PBXIP1: variants seen among roughly 807,000 people sequenced by gnomAD.
PBXIP1 encodes the protein PBX homeobox interacting protein 1.
In PBXIP1, 73 loss-of-function variants were observed where a neutral mutation model predicts 73.7. That is an observed-to-expected ratio of 0.99 (90% CI 0.82 to 1.20). PBXIP1 has a LOEUF of 1.20. Ranked by LOEUF, PBXIP1 falls within the 50% of genes most tolerant of loss-of-function variation. The pLI is 0.00. For synonymous variants in PBXIP1, 330 were observed against 366.9 expected (o/e 0.90, Z 1.15); for missense variants, 818 against 911.4 (o/e 0.90, Z 1.32).
chr1:154,952,373 C>T (rs1295481776), intron 2 of PBXIP1, among the ~76,000 whole-genome samples: 1 of 152,162 alleles, frequency 6.6e-6, no homozygotes, highest in Non-Finnish European at 1.5e-5. Flanking sequence ...TCTCTCAAGC[C>T]TTTCTGGCCT....
In PBXIP1 at chr1:154,951,865, T is replaced by C; in HGVS notation, c.108A>G (p.Arg36=). 1.2e-6 allele frequency: 2 copies of C among 1,613,216 alleles called. No individual in the cohort carries two copies. Among genetic ancestry groups the C allele is most frequent in the Non-Finnish European group, 1.7e-6 (2 of 1,179,608 alleles). ...PASRMDPESE[R]ALQAPHSPSK... is the part of the protein sequence containing the mutation. ...AGGGGCTGTGAGGGGCCTGCAGGGCTCTCTCAGATTCTGGGTCCATCCTGG... is the reference window on the plus strand; with the variant it reads ...AGGGGCTGTGAGGGGCCTGCAGGGCCCTCTCAGATTCTGGGTCCATCCTGG... Residue 36 remains arginine (R), a synonymous_variant, in exon 3 of 11, where the codon AGA becomes AGG. Coordinates refer to ENST00000368463, the MANE Select transcript of PBXIP1 (RefSeq NM_020524.4). This position sits in a 1 kb window ranked among gnomAD's most constrained non-coding sequence, Gnocchi z 4.3.
intron 2 of PBXIP1, among the ~76,000 whole-genome samples, 193 bp from the exon 3 acceptor site, chr1:154,952,114 C>T (rs886532526): frequency 3.9e-5 from 6 of 152,226 alleles, no homozygotes; most frequent in Non-Finnish European, 8.8e-5. Context: ...CACAGCGCCG[C>T]ACCACCAGAC....
intron 1 of PBXIP1, among the ~76,000 whole-genome samples, chr1:154,954,181 CA>C (rs1215395640): frequency 3.9e-5 from 6 of 152,216 alleles, no homozygotes; most frequent in African/African-American, 1.4e-4. Context: ...CCCTTCACAA[CA>C]CCAGGTACCT....
chr1:154,947,349 G>A (rs1654860445), intron 9 of PBXIP1, 68 bp downstream of exon 9: 1 of 1,559,160 alleles, frequency 6.4e-7, no homozygotes, highest in South Asian at 1.1e-5. Flanking sequence ...CCTTTTGGGG[G>A]AGGATGCTAG....
At position 154,945,051 on chromosome 1, in the gene PBXIP1, A is replaced by G; in HGVS notation, c.2169T>C (p.His723=). The change falls in exon 11 of 11, where the codon CAT becomes CAC. Residue 723 remains histidine (H), a synonymous_variant. Coordinates refer to ENST00000368463, the MANE Select transcript of PBXIP1 (RefSeq NM_020524.4). Reference sequence around the variant, plus strand: ...AGCCCCGGTGGTGGTGGTGGTGGCTATGGCTGTGCCCCTCCCTGGGCCCCG... The same window carrying G: ...AGCCCCGGTGGTGGTGGTGGTGGCTGTGGCTGTGCCCCTCCCTGGGCCCCG... ...RAAGPREGHS[H]SHHHHHRG is the part of the protein sequence containing the mutation. 16 of 1,614,044 alleles carry G rather than the reference A, an allele frequency of 9.9e-6. No homozygotes were observed. Among genetic ancestry groups the G allele is most frequent in the Non-Finnish European group, 1.4e-5 (16 of 1,179,930 alleles).
Position 154,951,406 on chromosome 1 carries a change from G to A in PBXIP1, c.244-9C>T. ...TCACCTTCCAGGGTGCCCTAATGCA[G>A]ATGCAGCAGTGAGCAGCTGCTAGCC... On this transcript the variant is annotated splice_polypyrimidine_tract_variant and intron_variant, in intron 4 of 10. Transcript: ENST00000368463. This position sits in a 1 kb window ranked among gnomAD's most constrained non-coding sequence, Gnocchi z 4.3. 6.2e-7 allele frequency: 1 copy of A among 1,614,048 alleles called. No homozygotes were observed. The highest frequency in any genetic ancestry group is 8.5e-7 in the Non-Finnish European group (1 of 1,179,978).
intron 9 of PBXIP1, 135 bp from the exon 10 acceptor site, chr1:154,946,938 G>T: frequency 3.6e-6 from 3 of 827,474 alleles, no homozygotes; most frequent in Non-Finnish European, 5.6e-6. Flanking sequence ...ACACCCAGAG[G>T]ATTTGGTTTT....
In PBXIP1 at chr1:154,945,760, GA is replaced by G. The variant is rs761080742; in HGVS notation, c.1913del (p.Leu638ProfsTer44). On this transcript the variant is annotated frameshift_variant, in exon 10 of 11. Coordinates refer to ENST00000368463, the MANE Select transcript of PBXIP1 (RefSeq NM_020524.4). LOFTEE classifies it high-confidence loss of function. ...CATCCTCACCAAAGAAAGCAGGTGA[GA>G]GGGGTAGCTCCTTGGTCAGCTGCCC... ...WAGQLTKELP[L>X]SPAFFGEDGI... 9.3e-6 allele frequency: 15 copies of G among 1,614,138 alleles called. No individual in the cohort carries two copies. The highest frequency in any genetic ancestry group is 1.3e-5 in the Non-Finnish European group (15 of 1,180,048).
At chr1:154,947,345 G>C (rs763817270) in intron 9 of PBXIP1, 72 bp downstream of exon 9, 2 of 1,542,176 alleles carry the variant, frequency 1.3e-6, no homozygotes, top group Non-Finnish European at 1.8e-6. Context: ...CATTCCTTTT[G>C]GGGGAGGATG....
chr1:154,946,012 C>A lies in PBXIP1; in HGVS notation c.1662G>T (p.Lys554Asn). Residue 554 changes from lysine to asparagine, a missense_variant, in exon 10 of 11, where the codon AAG becomes AAT. Lys to Asn is a moderately conservative substitution (Grantham distance 94). Transcript: ENST00000368463. ...CTTCCCTCCACCGAGGTTGCTTCTG[C>A]TTTTCTCCAGAGGAGTGGAAGCTAC... The part of the protein sequence containing the change: ...KSGSFHSSGE[K>N]QKQPRWREGT... The A allele has an allele frequency of 6.2e-7, 1 of 1,614,122 alleles. No homozygotes were observed. Among genetic ancestry groups the A allele is most frequent in the East Asian group, 2.2e-5 (1 of 44,888 alleles).
At chr1:154,955,387 A>G (rs1011744348) in intron 1 of PBXIP1, among the ~76,000 whole-genome samples, 4 of 152,220 alleles carry the variant, frequency 2.6e-5, no homozygotes, top group African/African-American at 9.7e-5. Context: ...TGGCAACCAC[A>G]GTGATGTCAG....
At chr1:154,948,466 C>G in intron 5 of PBXIP1, 100 bp from the exon 6 acceptor site, 1 of 821,382 alleles carries the variant, frequency 1.2e-6, no homozygotes, top group Non-Finnish European at 1.9e-6. Context: ...GGGAGGTCGT[C>G]AGCCCTGACC....
intron 5 of PBXIP1, among the ~76,000 whole-genome samples, chr1:154,949,114 C>T (rs1378890300): frequency 1.3e-5 from 2 of 151,964 alleles, no homozygotes; most frequent in African/African-American, 4.8e-5. Flanking sequence ...CTGTACCTGC[C>T]TTAGTTCAGG....
intron 5 of PBXIP1, chr1:154,950,262 G>A (rs1178514457): frequency 6.6e-6 from 1 of 152,146 alleles, no homozygotes; most frequent in Non-Finnish European, 1.5e-5. Flanking sequence ...TCTGACCTCA[G>A]GTGATCCACC....
In PBXIP1 at chr1:154,946,366, C is replaced by CT; in HGVS notation, c.1307_1308insA (p.Ala437GlyfsTer34). ...TCTCCAGGCCCTGCAGTTTCTGGGC[C>CT]AATCTGTGGCCCAGCTCAGCCAAGC... is the stretch of plus-strand genomic sequence containing the variant. On this transcript the variant is annotated frameshift_variant, in exon 10 of 11. Coordinates refer to ENST00000368463, the MANE Select transcript of PBXIP1 (RefSeq NM_020524.4). LOFTEE classifies it high-confidence loss of function. 6.2e-7 allele frequency: 1 copy of CT among 1,613,516 alleles called. No homozygotes were observed. Among genetic ancestry groups the CT allele is most frequent in the Non-Finnish European group, 8.5e-7 (1 of 1,179,926 alleles).
chr1:154,951,633 G>T lies in PBXIP1; in HGVS notation c.179-98C>A. ...CACGGGCCCCTACCAGGTTGGAAGA[G>T]GCAGGAAAAAGCCAGGATGGAATGA... On this transcript the variant is annotated intron_variant, in intron 3 of 10. Transcript: ENST00000368463. The surrounding 1 kb of genome is among the most constrained non-coding windows in gnomAD (Gnocchi z 4.3). The T allele has an allele frequency of 6.9e-7, 1 of 1,456,338 alleles. No homozygotes were observed. The highest frequency in any genetic ancestry group is 1.2e-5 in the South Asian group (1 of 86,484). The allele number at this position is 1,456,338 out of a possible 1,614,324, so 90.2% of individuals were successfully genotyped here. A position where few individuals can be genotyped will look rare whatever the true frequency, so the allele number is the denominator to read the frequency against.
chr1:154,946,324 AG>A lies in PBXIP1; in HGVS notation c.1349del (p.Pro450LeufsTer129). On this transcript the variant is annotated frameshift_variant, in exon 10 of 11. Coordinates refer to ENST00000368463, the MANE Select transcript of PBXIP1 (RefSeq NM_020524.4). LOFTEE classifies it high-confidence loss of function. ...CCTTTGAGGCATTGGCAGAGACCCC[AG>A]GGTCCTGGCCCCAGTTCTCCAGGCC... ...LQGLENWGQD[P>X]GVSANASKAW... 6.2e-7 allele frequency: 1 copy of A among 1,614,110 alleles called. No individual in the cohort carries two copies. Among genetic ancestry groups the A allele is most frequent in the South Asian group, 1.1e-5 (1 of 91,090 alleles).
chr1:154,953,431 TC>T (rs528479396), intron 2 of PBXIP1, among the ~76,000 whole-genome samples: 2 of 152,070 alleles, frequency 1.3e-5, no homozygotes, highest in Non-Finnish European at 2.9e-5. Context: ...TCGAAATCCA[TC>T]CCTACTTGTC....
At chr1:154,949,612 T>C (rs959822931) in intron 5 of PBXIP1, among the ~76,000 whole-genome samples, 4 of 152,170 alleles carry the variant, frequency 2.6e-5, no homozygotes, top group Non-Finnish European at 1.5e-5. Flanking sequence ...CTCCCATACC[T>C]GGAACAGTGT....
Sources: gnomAD v4.1 joint callset for allele counts (sites outside exome capture counted in the v4.1 genomes callset) on GRCh38, gnomAD v4.1.1 for gene constraint, Gnocchi (gnomAD v3.1) non-coding constraint, MANE v1.5 for transcripts, NCBI Gene and HGNC (gene_info 2026-07-23, HGNC 2026-07-21) for gene names.